IL17RD: variants seen among roughly 807,000 people sequenced by gnomAD.
IL17RD encodes interleukin-17 receptor D.
A neutral mutation model predicts 80.5 loss-of-function variants in IL17RD; 52 were observed. The observed-to-expected ratio is 0.65, with a 90% CI of 0.52 to 0.81. IL17RD has a LOEUF of 0.81. IL17RD is among the 40% of genes least tolerant of loss of function. IL17RD has a pLI of 0.00. For synonymous variants in IL17RD, 416 were observed against 391.8 expected (o/e 1.06, Z -0.73); for missense variants, 1,024 against 955.1 (o/e 1.07, Z -0.95).
In IL17RD at chr3:57,101,388, T is replaced by C. The variant is rs1299818753; in HGVS notation, c.980-25A>G. On this transcript the variant is annotated intron_variant, in intron 10 of 12. Transcript: ENST00000296318. Reference sequence around the variant, plus strand: ...TCTAAATTGGAAAAGAAGATAAGGTTGATACTTGCAAGCAACGCTTTGTTC... The same window carrying C: ...TCTAAATTGGAAAAGAAGATAAGGTCGATACTTGCAAGCAACGCTTTGTTC... 2.0e-6 allele frequency: 3 copies of C among 1,465,768 alleles called. No homozygotes were observed. In the East Asian group the frequency reaches 7.0e-5, roughly 34 times the overall value. 90.8% of individuals were successfully genotyped at this position (1,465,768 alleles called of 1,614,324 possible). A position where few individuals can be genotyped will look rare whatever the true frequency, so the allele number is the denominator to read the frequency against.
At position 57,134,654 on chromosome 3, in the gene IL17RD, T is replaced by C. The variant is rs1464016870; in HGVS notation, c.127-14341A>G. The C allele has an allele frequency of 6.7e-6, 5 of 750,264 alleles. No individual in the cohort carries two copies. The East Asian group carries it at 7.7e-5, about 12-fold the overall frequency. 46.5% of individuals were successfully genotyped at this position (750,264 alleles called of 1,614,324 possible). A position where few individuals can be genotyped will look rare whatever the true frequency, so the allele number is the denominator to read the frequency against. Reference sequence around the variant, plus strand: ...AGACCAAGGAAGCACGCAAGCACCATGAAGACCGCCTACAGGCCAAGGAGG... The same window carrying C: ...AGACCAAGGAAGCACGCAAGCACCACGAAGACCGCCTACAGGCCAAGGAGG... On this transcript the variant is annotated intron_variant, in intron 1 of 12. Coordinates refer to ENST00000296318, the MANE Select transcript of IL17RD (RefSeq NM_017563.5).
At chr3:57,130,187 C>T (rs1404840034) in intron 1 of IL17RD, among the ~76,000 whole-genome samples, 1 of 152,196 alleles carries the variant, frequency 6.6e-6, no homozygotes, top group Admixed American at 6.5e-5. Flanking sequence ...TTTTCATACA[C>T]AATTTTGGGA....
chr3:57,092,947 AC>A lies in IL17RD; in HGVS notation c.*3445del, dbSNP rs1323026728. On this transcript the variant is annotated 3_prime_UTR_variant, in exon 13 of 13. Coordinates refer to ENST00000296318, the MANE Select transcript of IL17RD (RefSeq NM_017563.5). ...TGGGTCTAAATTCACTTGAATTTTAACTTAGTTGCCAATATTTTTTAAAATC... is the reference window on the plus strand; with the variant it reads ...TGGGTCTAAATTCACTTGAATTTTAATTAGTTGCCAATATTTTTTAAAATC... The A allele has an allele frequency of 6.6e-6, 1 of 152,196 alleles. No individual in the cohort carries two copies. Among genetic ancestry groups the A allele is most frequent in the Non-Finnish European group, 1.5e-5 (1 of 68,050 alleles). 9.4% of individuals were successfully genotyped at this position (152,196 alleles called of 1,614,324 possible).
At chr3:57,110,407 C>A in intron 3 of IL17RD, 96 bp from the exon 4 acceptor site, 1 of 1,352,640 alleles carries the variant, frequency 7.4e-7, no homozygotes. Flanking sequence ...ACCTACACAC[C>A]AGAGTTAAAG....
intron 1 of IL17RD, among the ~76,000 whole-genome samples, chr3:57,162,646 A>G (rs2060313690): frequency 6.6e-6 from 1 of 152,218 alleles, no homozygotes; most frequent in Admixed American, 6.5e-5. Context: ...CAGCATGTGC[A>G]AAGACAATGG....
At chr3:57,157,323 G>A (rs144115354) in intron 1 of IL17RD, among the ~76,000 whole-genome samples, 7 of 152,286 alleles carry the variant, frequency 4.6e-5, no homozygotes, top group African/African-American at 1.2e-4. Context: ...TGTGGAGAGA[G>A]GACGGGGAGT....
chr3:57,099,716 C>T (rs556464962), intron 11 of IL17RD, among the ~76,000 whole-genome samples: 1 of 152,292 alleles, frequency 6.6e-6, no homozygotes, highest in Admixed American at 6.5e-5. Context: ...ATCTTTGACC[C>T]AGCAATTCCA....
chr3:57,108,473 A>ATTT (rs1239902224), intron 5 of IL17RD, among the ~76,000 whole-genome samples: 96 of 93,544 alleles, frequency 1.0e-3, no homozygotes, highest in African/African-American at 4.0e-3. Context: ...AGCCAGGCCA[A>ATTT]TTTTTTTTCT....
intron 3 of IL17RD, among the ~76,000 whole-genome samples, chr3:57,112,739 G>A (rs892625667): frequency 6.6e-6 from 1 of 152,180 alleles, no homozygotes; most frequent in Non-Finnish European, 1.5e-5. Flanking sequence ...AAGTGGTTCG[G>A]CCCATGGGTC....
upstream of IL17RD, among the ~76,000 whole-genome samples, chr3:57,168,486 A>G (rs2060356833): frequency 6.6e-6 from 1 of 152,160 alleles, no homozygotes; most frequent in South Asian, 2.1e-4. Context: ...ACATGCCTAG[A>G]ATGACATCCC....
rs1380586997 is a variant in IL17RD at position 57,114,733 on chromosome 3, T to C, written c.269A>G (p.Asp90Gly). The C allele has an allele frequency of 2.5e-6, 4 of 1,612,270 alleles. No homozygotes were observed. Among genetic ancestry groups the C allele is most frequent in the Non-Finnish European group, 3.4e-6 (4 of 1,179,424 alleles). Residue 90 changes from aspartate (D) to glycine (G), a missense_variant, in exon 3 of 13, where the codon GAC becomes GGC. Physicochemically the swap from Asp to Gly is moderately conservative, Grantham distance 94. Transcript: ENST00000296318. The stretch of plus-strand genomic sequence containing the variant: ...CCAAAGAATGGTGACTGCCACTTGG[T>C]CATGGCAAGCATACTGGCTGATGGT... Reference protein sequence around the residue: ...NITISQYACHDQVAVTILWSP... With the variant: ...NITISQYACHGQVAVTILWSP...
intron 1 of IL17RD, among the ~76,000 whole-genome samples, chr3:57,153,901 G>A (rs1259124814): frequency 6.6e-6 from 1 of 151,828 alleles, no homozygotes; most frequent in South Asian, 2.1e-4. Context: ...TGCTTGAGGG[G>A]TTGGGGGGTT....
At chr3:57,112,773 A>G (rs1433376978) in intron 3 of IL17RD, among the ~76,000 whole-genome samples, 2 of 152,164 alleles carry the variant, frequency 1.3e-5, no homozygotes, top group African/African-American at 2.4e-5. Context: ...CTCTCCTGCA[A>G]TCTGGTTCTT....
chr3:57,165,016 T>A, intron 1 of IL17RD, 145 bp downstream of exon 1: 2 of 1,341,068 alleles, frequency 1.5e-6, no homozygotes, highest in Non-Finnish European at 1.9e-6. Flanking sequence ...ACCAGGAGGA[T>A]GCGCGGGAGG....
rs936410073 is a variant in IL17RD, at chr3:57,094,222, G to A, written c.*2171C>T. On this transcript the variant is annotated 3_prime_UTR_variant, in exon 13 of 13. Transcript: ENST00000296318. ...GCATACTGGGGAGAGTAGAAAAAGT[G>A]AAACTAATTAAACAAAACTAGGAAG... The A allele has an allele frequency of 6.6e-5, 10 of 152,114 alleles. No individual in the cohort carries two copies. Among genetic ancestry groups the A allele is most frequent in the African/African-American group, 2.4e-4 (10 of 41,428 alleles). The allele number at this position is 152,114 out of a possible 1,614,324, so 9.4% of individuals were successfully genotyped here.
chr3:57,130,760 T>A (rs1707589499), intron 1 of IL17RD, among the ~76,000 whole-genome samples: 1 of 152,046 alleles, frequency 6.6e-6, no homozygotes, highest in African/African-American at 2.4e-5. Context: ...TCCTGAAACA[T>A]CCCCCTGAGA....
intron 1 of IL17RD, among the ~76,000 whole-genome samples, chr3:57,135,367 G>A (rs142839480): frequency 3.9e-5 from 6 of 152,370 alleles, no homozygotes; most frequent in East Asian, 1.9e-4. Flanking sequence ...AACTGCCTGC[G>A]AAGTGGTGGG....
chr3:57,106,568 T>C (rs960001382), intron 5 of IL17RD, among the ~76,000 whole-genome samples: 2 of 152,180 alleles, frequency 1.3e-5, no homozygotes, highest in Admixed American at 6.5e-5. Flanking sequence ...AACTTTGGAG[T>C]GGTCCTGGTA....
chr3:57,119,270 C>T (rs1413540604), intron 2 of IL17RD, among the ~76,000 whole-genome samples: 7 of 151,328 alleles, frequency 4.6e-5, no homozygotes, highest in East Asian at 3.9e-4. Context: ...GAGAATGGCA[C>T]GGACCCGGGA....
Sources: allele counts gnomAD v4.1 joint callset (sites outside exome capture counted in the v4.1 genomes callset), GRCh38; gene constraint gnomAD v4.1.1; transcripts MANE v1.5; gene names NCBI Gene and HGNC (gene_info 2026-07-23, HGNC 2026-07-21).